The following COL4A2 variants were observed in gnomAD, a reference collection of about 807,000 sequenced individuals.
COL4A2 encodes collagen type IV alpha 2 chain.
In COL4A2, 99 loss-of-function variants were observed where a neutral mutation model predicts 200.2. The ratio of observed to expected loss-of-function variants is 0.49; its 90% CI spans 0.42 to 0.58. The LOEUF (loss-of-function observed/expected upper bound fraction) is 0.58, where lower values mean the gene tolerates loss of function less well. Among genes scored for constraint, COL4A2 ranks in the 20% least tolerant of loss-of-function variants. The pLI, the probability that COL4A2 is intolerant of heterozygous loss-of-function variation, is 0.00. For missense variants in COL4A2, 1,950 were observed against 2,314.1 expected (o/e 0.84, Z 3.23); for synonymous variants, 897 against 900.6 (o/e 1.00, Z 0.07).
chr13:110,337,601 TG>T (rs1411707112), intron 3 of COL4A2, among the ~76,000 whole-genome samples: 3 of 152,218 alleles, frequency 2.0e-5, no homozygotes, highest in African/African-American at 7.2e-5. Context: ...GTGTCCAGAC[TG>T]GGGGCTTTTG....
intron 4 of COL4A2, among the ~76,000 whole-genome samples, chr13:110,418,926 G>A (rs1054834706): frequency 2.0e-5 from 3 of 152,266 alleles, no homozygotes; most frequent in Non-Finnish European, 4.4e-5. Context: ...CAAAATCAAC[G>A]AATATTTCTA....
At chr13:110,367,452 GTC>G (rs1203518843) in intron 4 of COL4A2, among the ~76,000 whole-genome samples, 6 of 152,156 alleles carry the variant, frequency 3.9e-5, no homozygotes, top group African/African-American at 7.2e-5. Flanking sequence ...AGTTAGGTTG[GTC>G]TCTCTCTAAT....
intron 32 of COL4A2, among the ~76,000 whole-genome samples, chr13:110,483,454 G>T (rs1174903460): frequency 6.6e-6 from 1 of 152,226 alleles, no homozygotes; most frequent in African/African-American, 2.4e-5. Context: ...CAAATCTCAT[G>T]GCAGCATCCT....
At chr13:110,361,359 G>C (rs1735791216) in intron 4 of COL4A2, among the ~76,000 whole-genome samples, 1 of 152,168 alleles carries the variant, frequency 6.6e-6, no homozygotes, top group South Asian at 2.1e-4. Context: ...GCTGTCGAAA[G>C]GGCTGTGTGC....
chr13:110,324,871 T>G (rs1885366404), intron 3 of COL4A2, among the ~76,000 whole-genome samples: 1 of 152,190 alleles, frequency 6.6e-6, no homozygotes, highest in Non-Finnish European at 1.5e-5. Context: ...TGATACAGCT[T>G]TAGGAATTGG....
chr13:110,407,385 G>A (rs377359215), intron 4 of COL4A2, among the ~76,000 whole-genome samples: 10 of 152,228 alleles, frequency 6.6e-5, no homozygotes, highest in African/African-American at 1.9e-4. Context: ...GATGTCAGCA[G>A]ACACAGTGAG....
At chr13:110,344,668 T>C (rs966930493) in intron 3 of COL4A2, among the ~76,000 whole-genome samples, 2 of 152,162 alleles carry the variant, frequency 1.3e-5, no homozygotes, top group African/African-American at 4.8e-5. Context: ...CAGTATTCTC[T>C]CTCTTGCCTC....
Position 110,307,719 on chromosome 13 carries a change from C to T in COL4A2, c.-44-141C>T. On this transcript the variant is annotated intron_variant, in intron 1 of 47. Coordinates refer to ENST00000360467, the MANE Select transcript of COL4A2 (RefSeq NM_001846.4). The surrounding 1 kb of genome is among the most constrained non-coding windows in gnomAD (Gnocchi z 5.0). ...CGGGAGGCTCTCCTTCTTTCCGGGT[C>T]GTGGGGGGGACGGCCCTCCGGTCAC... is the stretch of plus-strand genomic sequence containing the variant. 1.3e-6 allele frequency: 1 copy of T among 752,398 alleles called. No homozygotes were observed. The highest frequency in any genetic ancestry group is 2.1e-6 in the Non-Finnish European group (1 of 476,900). The allele number at this position is 752,398 out of a possible 1,614,324, so 46.6% of individuals were successfully genotyped here. A position where few individuals can be genotyped will look rare whatever the true frequency, so the allele number is the denominator to read the frequency against.
In COL4A2 at chr13:110,485,778, T is replaced by A. The variant is rs1403618256; in HGVS notation, c.3149T>A (p.Phe1050Tyr). The change falls in exon 34 of 48, where the codon TTC becomes TAC. Residue 1050 changes from phenylalanine (F) to tyrosine (Y), a missense_variant. Phe to Tyr is a conservative substitution (Grantham distance 22). This residue lies in a region of COL4A2 where 1,385 missense variants were observed against 1,720.5 expected (regional missense o/e 0.80). Transcript: ENST00000360467. ...GVPGIPGLPG[F>Y]PGVAGPPGIT... ...CCCGGCATCCCCGGTTTGCCAGGAT[T>A]CCCTGGGGTGGCTGGCCCCCCTGGA... 6.2e-7 allele frequency: 1 copy of A among 1,613,850 alleles called. No homozygotes were observed. The highest frequency in any genetic ancestry group is 8.5e-7 in the Non-Finnish European group (1 of 1,179,914).
intron 43 of COL4A2, 112 bp from the exon 44 acceptor site, chr13:110,503,735 T>G: frequency 1.5e-6 from 2 of 1,322,066 alleles, no homozygotes; most frequent in Non-Finnish European, 2.1e-6. Flanking sequence ...GAAAGCACAG[T>G]TGTCTGGGAA....
intron 4 of COL4A2, among the ~76,000 whole-genome samples, chr13:110,380,825 G>T (rs1178333885): frequency 7.5e-6 from 1 of 133,592 alleles, no homozygotes; most frequent in East Asian, 2.3e-4. Flanking sequence ...TCACACCCAC[G>T]TGCTCTATCT....
chr13:110,347,941 C>T (rs772616025), intron 3 of COL4A2, among the ~76,000 whole-genome samples: 5 of 152,242 alleles, frequency 3.3e-5, no homozygotes, highest in Non-Finnish European at 7.3e-5. Context: ...GTCTTGCCGC[C>T]GTGTTGAACC....
intron 4 of COL4A2, among the ~76,000 whole-genome samples, chr13:110,385,969 G>A (rs79295466): frequency 0.025 from 720 of 28,978 alleles, 223 homozygotes; most frequent in African/African-American, 0.064. Flanking sequence ...GCGTGTGGAT[G>A]GGCCGTGGTC....
At chr13:110,341,544 A>G (rs1220543295) in intron 3 of COL4A2, among the ~76,000 whole-genome samples, 1 of 152,248 alleles carries the variant, frequency 6.6e-6, no homozygotes, top group East Asian at 1.9e-4. Context: ...AGTGTTTGCT[A>G]GAGGACGTTT....
intron 3 of COL4A2, among the ~76,000 whole-genome samples, chr13:110,341,395 T>C (rs1433992105): frequency 2.0e-5 from 3 of 152,240 alleles, no homozygotes; most frequent in African/African-American, 7.2e-5. Flanking sequence ...AGGTTGGGTG[T>C]ACATAGTTTG....
chr13:110,449,528 C>T (rs1881453003), intron 18 of COL4A2, 151 bp from the exon 19 acceptor site: 1 of 660,312 alleles, frequency 1.5e-6, no homozygotes, highest in Non-Finnish European at 2.4e-6. Context: ...AAAAGAGAGA[C>T]CACCCCATGT....
chr13:110,434,273 A>G, intron 11 of COL4A2, 128 bp from the exon 12 acceptor site: 3 of 765,502 alleles, frequency 3.9e-6, no homozygotes, highest in South Asian at 3.5e-5. Context: ...CAAGAATATT[A>G]TGCAAATATA....
chr13:110,368,096 T>A (rs1234339761), intron 4 of COL4A2, among the ~76,000 whole-genome samples: 3 of 152,168 alleles, frequency 2.0e-5, no homozygotes, highest in Non-Finnish European at 4.4e-5. Context: ...AATGATAGAA[T>A]TATTGGTCTA....
At chr13:110,338,412 A>G (rs1876298524) in intron 3 of COL4A2, among the ~76,000 whole-genome samples, 1 of 137,804 alleles carries the variant, frequency 7.3e-6, no homozygotes, top group Admixed American at 7.5e-5. Flanking sequence ...ACTAGGAGAA[A>G]AGACACAGAA....
Sources: allele counts gnomAD v4.1 joint callset (sites outside exome capture counted in the v4.1 genomes callset), GRCh38; gene constraint gnomAD v4.1.1; regional missense constraint gnomAD v4.1.1; non-coding constraint Gnocchi (gnomAD v3.1); transcripts MANE v1.5; gene names NCBI Gene and HGNC (gene_info 2026-07-23, HGNC 2026-07-21).